PRUNE2: variants seen among roughly 807,000 people sequenced by gnomAD.
PRUNE2 encodes the protein protein prune homolog 2.
Under a neutral mutation model 252.0 loss-of-function variants are expected in PRUNE2, and 164 were observed. The observed-to-expected ratio is 0.65, with a 90% CI of 0.57 to 0.74. The LOEUF is 0.74. Among genes scored for constraint, PRUNE2 ranks in the 30% least tolerant of loss-of-function variants. PRUNE2 has a pLI of 0.00. For missense variants in PRUNE2, 3,495 were observed against 3,711.0 expected (o/e 0.94, Z 1.51); for synonymous variants, 1,292 against 1,350.2 (o/e 0.96, Z 0.94).
chr9:76,676,631 A>T (rs2042642357), intron 9 of PRUNE2, among the ~76,000 whole-genome samples: 1 of 152,216 alleles, frequency 6.6e-6, no homozygotes, highest in Admixed American at 6.5e-5. Context: ...AACATGTGGC[A>T]ACATTTTCAA....
chr9:76,876,645 A>C (rs1004489395), intron 1 of PRUNE2, among the ~76,000 whole-genome samples: 2 of 152,016 alleles, frequency 1.3e-5, no homozygotes, highest in Admixed American at 6.6e-5. Flanking sequence ...TTTTAGTGGA[A>C]TCAACAAAGA....
intron 1 of PRUNE2, among the ~76,000 whole-genome samples, chr9:76,901,595 T>C (rs1029572094): frequency 6.6e-6 from 1 of 152,244 alleles, no homozygotes; most frequent in Non-Finnish European, 1.5e-5. Flanking sequence ...AAGTTGATTA[T>C]TCTGCAGACA....
At position 76,707,114 on chromosome 9, in the gene PRUNE2, C is replaced by T; in HGVS notation, c.5160G>A (p.Leu1720=). ...TGACCAAGAACTTATTAGATTCATT[C>T]AATGAATCCCAAGCTCTGGATTCAT... The part of the protein sequence containing the change: ...AEDESRAWDS[L]NESNKFLVTA... Residue 1720 remains leucine, a synonymous_variant, in exon 8 of 19, where the codon TTG becomes TTA. Coordinates refer to ENST00000376718, the MANE Select transcript of PRUNE2 (RefSeq NM_015225.3). 6.2e-7 allele frequency: 1 copy of T among 1,613,912 alleles called. No homozygotes were observed. The highest frequency in any genetic ancestry group is 1.1e-5 in the South Asian group (1 of 91,082).
intron 1 of PRUNE2, among the ~76,000 whole-genome samples, chr9:76,904,352 G>A (rs985510164): frequency 5.3e-5 from 8 of 152,038 alleles, no homozygotes; most frequent in African/African-American, 1.7e-4. Context: ...CTGCTCCTCA[G>A]AATTGAGACA....
intron 9 of PRUNE2, among the ~76,000 whole-genome samples, chr9:76,695,632 A>G (rs1258498628): frequency 6.6e-6 from 1 of 152,228 alleles, no homozygotes; most frequent in Non-Finnish European, 1.5e-5. Flanking sequence ...AAACTAGCAC[A>G]TCTCCCTTGG....
chr9:76,890,281 G>A (rs2133474168), intron 1 of PRUNE2, among the ~76,000 whole-genome samples: 1 of 152,268 alleles, frequency 6.6e-6, no homozygotes, highest in Non-Finnish European at 1.5e-5. Flanking sequence ...TAACTCCCTG[G>A]CATGCTGACC....
chr9:76,894,455 G>T (rs2062687567), intron 1 of PRUNE2, among the ~76,000 whole-genome samples: 2 of 152,156 alleles, frequency 1.3e-5, no homozygotes, highest in Admixed American at 6.5e-5. Context: ...GAGCAGCCAG[G>T]CACGTGTCCT....
At chr9:76,640,740 G>C (rs1362743751) in intron 12 of PRUNE2, among the ~76,000 whole-genome samples, 1 of 152,168 alleles carries the variant, frequency 6.6e-6, no homozygotes, top group Admixed American at 6.5e-5. Flanking sequence ...AGGATATGGT[G>C]GCTTAGCTAT....
At chr9:76,735,813 A>G (rs981178839) in intron 6 of PRUNE2, among the ~76,000 whole-genome samples, 3 of 152,204 alleles carry the variant, frequency 2.0e-5, no homozygotes, top group Non-Finnish European at 2.9e-5. Context: ...GGTGATACCC[A>G]TTTAACAGAT....
Position 76,652,614 on chromosome 9 carries a change from T to C in PRUNE2, c.8426A>G (p.Asn2809Ser), listed in dbSNP as rs370038889. ...TCCTTCACTTTGGTCCAGAGAAAGA[T>C]TGATATTTGGGGCTGTGAGCTTGAT... ...RRIKLTAPNI[N>S]LSLDQSEGSI... The change falls in exon 11 of 19, where the codon AAT becomes AGT. Residue 2809 changes from asparagine (N) to serine (S), a missense_variant. Asn to Ser is a conservative substitution (Grantham distance 46). Transcript: ENST00000376718. The C allele has an allele frequency of 5.1e-5, 82 of 1,613,152 alleles. No homozygotes were observed. Among genetic ancestry groups the C allele is most frequent in the Non-Finnish European group, 6.4e-5 (75 of 1,179,184 alleles).
chr9:76,640,597 G>C (rs978485475), intron 12 of PRUNE2, among the ~76,000 whole-genome samples: 5 of 152,202 alleles, frequency 3.3e-5, no homozygotes, highest in Non-Finnish European at 7.3e-5. Context: ...TTTCCAATAT[G>C]CAGGGTATTT....
At chr9:76,891,610 T>C (rs994135465) in intron 1 of PRUNE2, among the ~76,000 whole-genome samples, 2 of 152,268 alleles carry the variant, frequency 1.3e-5, no homozygotes, top group Admixed American at 6.5e-5. Context: ...TCAGGATGAA[T>C]AGATTTCACC....
intron 11 of PRUNE2, among the ~76,000 whole-genome samples, chr9:76,649,416 C>A (rs937862553): frequency 1.3e-5 from 2 of 152,108 alleles, no homozygotes; most frequent in African/African-American, 2.4e-5. Flanking sequence ...AAAACCTCAT[C>A]TCTACAAAAA....
intron 6 of PRUNE2, among the ~76,000 whole-genome samples, chr9:76,820,563 G>A (rs191193417): frequency 6.6e-6 from 1 of 152,306 alleles, no homozygotes; most frequent in East Asian, 1.9e-4. Context: ...CACAACGGTA[G>A]AATTACAGCA....
At chr9:76,901,773 A>G (rs1427311357) in intron 1 of PRUNE2, among the ~76,000 whole-genome samples, 1 of 152,186 alleles carries the variant, frequency 6.6e-6, no homozygotes, top group East Asian at 1.9e-4. Context: ...TCCACATATC[A>G]ACTAATACCT....
intron 1 of PRUNE2, among the ~76,000 whole-genome samples, chr9:76,865,806 TACACACAC>T (rs34661457): frequency 1.3e-4 from 17 of 127,152 alleles, no homozygotes; most frequent in African/African-American, 5.0e-4. Flanking sequence ...TCTCTCTCCC[TACACACAC>T]ACACACACAC....
intron 6 of PRUNE2, among the ~76,000 whole-genome samples, chr9:76,750,579 C>T (rs1177119552): frequency 6.6e-6 from 1 of 152,170 alleles, no homozygotes; most frequent in Non-Finnish European, 1.5e-5. Context: ...AGCCAAGATG[C>T]ATTTACAAAG....
chr9:76,876,892 T>C (rs756322474), intron 1 of PRUNE2, among the ~76,000 whole-genome samples: 20 of 152,166 alleles, frequency 1.3e-4, no homozygotes, highest in Non-Finnish European at 2.4e-4. Context: ...TGGAATATAA[T>C]ACAGGTTGAC....
chr9:76,882,358 T>C (rs2061838011), intron 1 of PRUNE2, among the ~76,000 whole-genome samples: 1 of 152,210 alleles, frequency 6.6e-6, no homozygotes, highest in Non-Finnish European at 1.5e-5. Context: ...TGGTAGGAAA[T>C]ATTATTCATT....
Sources: gnomAD v4.1 joint callset for allele counts (sites outside exome capture counted in the v4.1 genomes callset) on GRCh38, gnomAD v4.1.1 for gene constraint, MANE v1.5 for transcripts, NCBI Gene and HGNC (gene_info 2026-07-23, HGNC 2026-07-21) for gene names.